TUBE1: variants seen among roughly 807,000 people sequenced by gnomAD.
TUBE1 encodes the protein tubulin epsilon chain.
TUBE1 carries 34 observed loss-of-function variants against 53.5 expected under a neutral mutation model. That is an observed-to-expected ratio of 0.64 (90% CI 0.48 to 0.85). TUBE1 has a LOEUF of 0.85. TUBE1 is among the 40% of genes least tolerant of loss of function. The pLI, the probability that TUBE1 is intolerant of heterozygous loss-of-function variation, is 0.00. For missense variants in TUBE1, 532 were observed against 570.5 expected (o/e 0.93, Z 0.69); for synonymous variants, 177 against 198.4 (o/e 0.89, Z 0.91).
chr6:112,072,401 C>T (rs182944640), intron 10 of TUBE1, among the ~76,000 whole-genome samples: 43 of 152,164 alleles, frequency 2.8e-4, no homozygotes, highest in African/African-American at 1.0e-3. Flanking sequence ...ATTCAACAGA[C>T]TAGTTTTCTT....
At chr6:112,084,607 G>A (rs782612544) in intron 3 of TUBE1, among the ~76,000 whole-genome samples, 1 of 152,190 alleles carries the variant, frequency 6.6e-6, no homozygotes, top group Non-Finnish European at 1.5e-5. Context: ...GGAGAAGACT[G>A]CCATTTTATA....
intron 10 of TUBE1, 142 bp from the exon 11 acceptor site, chr6:112,072,218 A>AT (rs1350115462): frequency 1.2e-5 from 7 of 584,082 alleles, no homozygotes; most frequent in Admixed American, 3.5e-5. Flanking sequence ...TAAGTTATCT[A>AT]TTTTTTACTA....
At chr6:112,080,032 T>C (rs1365037841) in intron 5 of TUBE1, among the ~76,000 whole-genome samples, 1 of 151,996 alleles carries the variant, frequency 6.6e-6, no homozygotes, top group Admixed American at 6.6e-5. Flanking sequence ...CATCTTAACC[T>C]TCTCTTAAGG....
At chr6:112,073,031 A>G in intron 9 of TUBE1, 133 bp from the exon 10 acceptor site, 1 of 513,824 alleles carries the variant, frequency 1.9e-6, no homozygotes, top group Non-Finnish European at 3.0e-6. Context: ...GATTATATAT[A>G]TTCTAAAAAT....
At chr6:112,083,995 T>G (rs1175997997) in intron 4 of TUBE1, 194 bp downstream of exon 4, 1 of 563,692 alleles carries the variant, frequency 1.8e-6, no homozygotes, top group Non-Finnish European at 3.2e-6. Context: ...CTAACTACAG[T>G]GTTTTAAAGT....
intron 2 of TUBE1, chr6:112,086,840 G>C (rs1470887191): frequency 6.5e-5 from 33 of 510,634 alleles, no homozygotes; most frequent in Admixed American, 3.7e-4. Context: ...TTCACCCATA[G>C]GACTGTAGGA....
At chr6:112,081,905 C>T (rs1777077524) in intron 4 of TUBE1, among the ~76,000 whole-genome samples, 2 of 151,348 alleles carry the variant, frequency 1.3e-5, no homozygotes, top group Admixed American at 1.3e-4. Flanking sequence ...ACTTCCCTTA[C>T]TTTCCATATA....
At position 112,081,218 on chromosome 6, in the gene TUBE1, A is replaced by C. The variant is rs1554316730; in HGVS notation, c.211-11T>G. 7.1e-7 allele frequency: 1 copy of C among 1,415,886 alleles called. No homozygotes were observed. The highest frequency in any genetic ancestry group is 1.8e-5 in the Admixed American group (1 of 55,230). 87.7% of individuals were successfully genotyped at this position (1,415,886 alleles called of 1,614,324 possible). A position where few individuals can be genotyped will look rare whatever the true frequency, so the allele number is the denominator to read the frequency against. On this transcript the variant is annotated splice_polypyrimidine_tract_variant and intron_variant, in intron 4 of 11. Coordinates refer to ENST00000368662, the MANE Select transcript of TUBE1 (RefSeq NM_016262.5). ...ATCAATCAAGACTGCCTGAGAAAGA[A>C]AAATAAAATATAATTAATGTATTTT...
intron 11 of TUBE1, 28 bp downstream of exon 11, chr6:112,071,870 CACAT>C (rs1389300471): frequency 6.4e-7 from 1 of 1,552,898 alleles, no homozygotes; most frequent in Non-Finnish European, 8.7e-7. Context: ...CCAAAATAAA[CACAT>C]ACAGTTACAA....
chr6:112,087,197 T>C, intron 2 of TUBE1, 36 bp downstream of exon 2: 1 of 1,541,778 alleles, frequency 6.5e-7, no homozygotes, highest in Non-Finnish European at 8.8e-7. Flanking sequence ...AAGACCTAGC[T>C]GACAGGCGAG....
intron 9 of TUBE1, among the ~76,000 whole-genome samples, chr6:112,073,785 T>C (rs1776907964): frequency 6.6e-6 from 1 of 152,198 alleles, no homozygotes; most frequent in Non-Finnish European, 1.5e-5. Context: ...TTTCAATCTG[T>C]TTTAGAGACA....
intron 4 of TUBE1, among the ~76,000 whole-genome samples, chr6:112,082,834 A>T (rs2114490770): frequency 6.6e-6 from 1 of 152,292 alleles, no homozygotes; most frequent in Middle Eastern, 3.4e-3. Context: ...TAAGAAACTG[A>T]ACACAGTGAA....
intron 3 of TUBE1, chr6:112,085,893 C>T (rs367557312): frequency 6.4e-6 from 2 of 311,330 alleles, no homozygotes; most frequent in Admixed American, 4.2e-5. Flanking sequence ...GGAATTCACC[C>T]AGGAAGCGCG....
In TUBE1 at chr6:112,072,085, A is replaced by T. The variant is rs1212808075; in HGVS notation, c.1095-9T>A. ...GTAGAGATGGTTTTAATCTGAGATT[A>T]AAAAAAAAAATCTCAGAAGGTGAGA... is the stretch of plus-strand genomic sequence containing the variant. On this transcript the variant is annotated splice_polypyrimidine_tract_variant and intron_variant, in intron 10 of 11. Coordinates refer to ENST00000368662, the MANE Select transcript of TUBE1 (RefSeq NM_016262.5). 1.1e-5 allele frequency: 10 copies of T among 887,782 alleles called. No individual in the cohort carries two copies. Among genetic ancestry groups the T allele is most frequent in the South Asian group, 7.9e-5 (3 of 38,170 alleles). 55.0% of individuals were successfully genotyped at this position (887,782 alleles called of 1,614,324 possible).
intron 3 of TUBE1, among the ~76,000 whole-genome samples, 169 bp downstream of exon 3, chr6:112,086,387 G>C (rs9766630): frequency 0.31 from 47,835 of 151,958 alleles, 8,149 homozygotes; most frequent in African/African-American, 0.46. Flanking sequence ...TCTTCTTCGG[G>C]AAAATGATAT....
At position 112,071,406 on chromosome 6, in the gene TUBE1, T is replaced by C; in HGVS notation, c.*6A>G. 1 of 1,486,498 alleles carries C rather than the reference T, an allele frequency of 6.7e-7. No individual in the cohort carries two copies. The highest frequency in any genetic ancestry group is 9.0e-7 in the Non-Finnish European group (1 of 1,105,656). 92.1% of individuals were successfully genotyped at this position (1,486,498 alleles called of 1,614,324 possible). A position where few individuals can be genotyped will look rare whatever the true frequency, so the allele number is the denominator to read the frequency against. ...AATTAAGAAAGTATTTTTGAGGGTT[T>C]CTTTTTCACATAGCTATGCTTAGTC... On this transcript the variant is annotated 3_prime_UTR_variant, in exon 12 of 12. Coordinates refer to ENST00000368662, the MANE Select transcript of TUBE1 (RefSeq NM_016262.5).
chr6:112,087,215 G>C lies in TUBE1; in HGVS notation c.99+18C>G, dbSNP rs1315078944. On this transcript the variant is annotated intron_variant, in intron 2 of 11. Transcript: ENST00000368662. ...ACCTAGCTGACAGGCGAGGGGGCTC[G>C]CGGCGGCGGGCGGGTACCTGGTTGA... 1.9e-6 allele frequency: 3 copies of C among 1,549,282 alleles called. No homozygotes were observed. Among genetic ancestry groups the C allele is most frequent in the Non-Finnish European group, 2.6e-6 (3 of 1,145,948 alleles).
At chr6:112,072,926 T>C (rs1251716594) in intron 9 of TUBE1, 28 bp from the exon 10 acceptor site, 2 of 1,607,536 alleles carry the variant, frequency 1.2e-6, no homozygotes, top group Non-Finnish European at 1.7e-6. Context: ...TCATTGTTTA[T>C]ACAAAATATT....
intron 8 of TUBE1, chr6:112,075,070 T>TC (rs1286646211): frequency 9.0e-5 from 12 of 133,804 alleles, no homozygotes; most frequent in East Asian, 2.4e-4. Context: ...TTTTCTTTCT[T>TC]TTTTTTTTTT....
Sources: allele counts gnomAD v4.1 joint callset (sites outside exome capture counted in the v4.1 genomes callset), GRCh38; gene constraint gnomAD v4.1.1; transcripts MANE v1.5; gene names NCBI Gene and HGNC (gene_info 2026-07-23, HGNC 2026-07-21).